The following NDUFAF1 variants were observed in gnomAD, a reference collection of about 807,000 sequenced individuals.
NDUFAF1 encodes NADH:ubiquinone oxidoreductase complex assembly factor 1.
Under a neutral mutation model 28.7 loss-of-function variants are expected in NDUFAF1, and 18 were observed. The ratio of observed to expected loss-of-function variants is 0.63; its 90% CI spans 0.43 to 0.93. NDUFAF1 has a LOEUF of 0.93. Among genes scored for constraint, NDUFAF1 ranks in the 40% least tolerant of loss-of-function variants. The pLI is 0.00. For synonymous variants in NDUFAF1, 113 were observed against 139.7 expected, an observed-to-expected ratio of 0.81 and a Z score of 1.35; for missense variants, 404 against 398.3, an observed-to-expected ratio of 1.01 and a Z score of -0.12.
In NDUFAF1 at chr15:41,396,812, T is replaced by C. The variant is rs2050394891; in HGVS notation, c.248A>G (p.Asp83Gly). 6.2e-7 allele frequency: 1 copy of C among 1,614,056 alleles called. No individual in the cohort carries two copies. Among genetic ancestry groups the C allele is most frequent in the Non-Finnish European group, 8.5e-7 (1 of 1,180,038 alleles). The change falls in exon 2 of 5, where the codon GAT becomes GGT. Residue 83 changes from aspartate (D) to glycine (G), a missense_variant. Physicochemically the swap from Asp to Gly is moderately conservative, Grantham distance 94. Coordinates refer to ENST00000260361, the MANE Select transcript of NDUFAF1 (RefSeq NM_016013.4). ...TATTGCTTCATCTCTAATTGCTTTA[T>C]CGAAACTAACATCAGGCTTCTCCTC... ...SSEEKPDVSF[D>G]KAIRDEAIYH... is the part of the protein sequence containing the mutation.
chr15:41,398,433 G>A (rs2050419879), intron 1 of NDUFAF1, among the ~76,000 whole-genome samples: 3 of 146,480 alleles, frequency 2.0e-5, no homozygotes, highest in Admixed American at 6.8e-5. Context: ...GCAGTGAGCC[G>A]AGATCACGCC....
intron 1 of NDUFAF1, among the ~76,000 whole-genome samples, chr15:41,398,497 G>A (rs931385024): frequency 2.8e-5 from 4 of 145,418 alleles, no homozygotes; most frequent in African/African-American, 1.0e-4. Flanking sequence ...AAAAAAAAAA[G>A]AGACAGGGTC....
chr15:41,389,196 C>T (rs1194321222), intron 3 of NDUFAF1, among the ~76,000 whole-genome samples: 4 of 151,942 alleles, frequency 2.6e-5, no homozygotes, highest in Admixed American at 6.6e-5. Context: ...GATTCTCCCA[C>T]CTCAGCTTCC....
intron 3 of NDUFAF1, 30 bp downstream of exon 3, chr15:41,394,829 T>G: frequency 6.2e-7 from 1 of 1,612,798 alleles, no homozygotes; most frequent in African/African-American, 1.3e-5. Flanking sequence ...AGACCTCATT[T>G]TTATAAACAA....
At chr15:41,393,588 C>A (rs1364657091) in intron 3 of NDUFAF1, among the ~76,000 whole-genome samples, 6 of 139,382 alleles carry the variant, frequency 4.3e-5, no homozygotes, top group African/African-American at 1.8e-4. Context: ...CCGCGGCCGG[C>A]CTTTTTTTTT....
intron 3 of NDUFAF1, among the ~76,000 whole-genome samples, chr15:41,392,763 C>T: frequency 6.6e-6 from 1 of 152,140 alleles, no homozygotes; most frequent in East Asian, 1.9e-4. Flanking sequence ...TTCATAGCAG[C>T]AGCACGAGAA....
Position 41,402,483 on chromosome 15 carries a change from C to T in NDUFAF1, c.-421G>A, listed in dbSNP as rs747710046. The T allele has an allele frequency of 1.2e-4, 44 of 376,876 alleles. No homozygotes were observed. The highest frequency in any genetic ancestry group is 1.9e-3 in the Middle Eastern group (2 of 1,078). The allele number at this position is 376,876 out of a possible 1,614,324, so 23.3% of individuals were successfully genotyped here. On this transcript the variant is annotated 5_prime_UTR_variant, in exon 1 of 5. Transcript: ENST00000260361. ...TATAGTGTACCTTCCGCCCAGAAGC[C>T]ACTTTACCCGTATAGGTCCATCTGC...
At chr15:41,388,395 CCGATT>C (rs1566820406) in intron 4 of NDUFAF1, 48 bp downstream of exon 4, 7 of 1,373,374 alleles carry the variant, frequency 5.1e-6, no homozygotes, top group Non-Finnish European at 7.3e-6. Context: ...CCCCAGAGTT[CCGATT>C]CATTAAAAAT....
Position 41,402,024 on chromosome 15 carries a change from G to A in NDUFAF1, c.-82+120C>T, listed in dbSNP as rs2050469777. On this transcript the variant is annotated intron_variant, in intron 1 of 4. Coordinates refer to ENST00000260361, the MANE Select transcript of NDUFAF1 (RefSeq NM_016013.4). ...TTGTTTCATTTTTTTTTTTCTACCAGTAAACAGAAAATCTAAACTATTAAC... is the reference window on the plus strand; with the variant it reads ...TTGTTTCATTTTTTTTTTTCTACCAATAAACAGAAAATCTAAACTATTAAC... 1.3e-5 allele frequency: 3 copies of A among 239,346 alleles called. No individual in the cohort carries two copies. In the East Asian group the frequency reaches 2.7e-4, roughly 22 times the overall value. The allele number at this position is 239,346 out of a possible 1,614,324, so 14.8% of individuals were successfully genotyped here. A position where few individuals can be genotyped will look rare whatever the true frequency, so the allele number is the denominator to read the frequency against.
At chr15:41,393,517 C>T (rs2050340906) in intron 3 of NDUFAF1, among the ~76,000 whole-genome samples, 1 of 151,686 alleles carries the variant, frequency 6.6e-6, no homozygotes, top group African/African-American at 2.4e-5. Context: ...TCCATCATCT[C>T]CTGACCTCGT....
chr15:41,393,112 T>C (rs1455059818), intron 3 of NDUFAF1, among the ~76,000 whole-genome samples: 3 of 150,814 alleles, frequency 2.0e-5, no homozygotes, highest in African/African-American at 7.3e-5. Flanking sequence ...ATGGGGACTT[T>C]CTTGTTGAGT....
At chr15:41,399,717 G>A (rs1463981710) in intron 1 of NDUFAF1, among the ~76,000 whole-genome samples, 8 of 149,038 alleles carry the variant, frequency 5.4e-5, no homozygotes, top group African/African-American at 1.5e-4. Flanking sequence ...TTAGCCGGGC[G>A]TAGTGGCGGG....
intron 1 of NDUFAF1, 37 bp downstream of exon 1, chr15:41,402,107 G>A (rs1595413490): frequency 4.7e-6 from 2 of 429,244 alleles, no homozygotes. Flanking sequence ...CACGCAGCTA[G>A]AAGTGAGTAG....
intron 1 of NDUFAF1, among the ~76,000 whole-genome samples, chr15:41,401,872 G>A (rs1014863635): frequency 2.0e-5 from 3 of 152,240 alleles, no homozygotes; most frequent in East Asian, 3.9e-4. Context: ...CCCCCGCGCC[G>A]GTTGCACTTA....
intron 3 of NDUFAF1, chr15:41,394,422 A>T: frequency 7.9e-7 from 1 of 1,271,466 alleles, no homozygotes; most frequent in Non-Finnish European, 1.0e-6. Context: ...TTGGACACAG[A>T]GCAGAGATGT....
At chr15:41,388,058 C>G (rs956571199) in intron 4 of NDUFAF1, among the ~76,000 whole-genome samples, 4 of 152,002 alleles carry the variant, frequency 2.6e-5, no homozygotes, top group African/African-American at 9.7e-5. Flanking sequence ...TGCAGTGAGC[C>G]GAGATCATGC....
chr15:41,388,466 A>T lies in NDUFAF1; in HGVS notation c.816T>A (p.His272Gln). The change falls in exon 4 of 5, where the codon CAT becomes CAA. Residue 272 changes from histidine to glutamine, a missense_variant. By Grantham distance (24) the His-to-Gln change is conservative. Coordinates refer to ENST00000260361, the MANE Select transcript of NDUFAF1 (RefSeq NM_016013.4). The stretch of plus-strand genomic sequence containing the variant: ...ATGTTACCTTATCAAGCGGAAGCTC[A>T]TGCTGAACATCCCGGATTCTTCCTC... ...SNRGRIRDVQ[H>Q]ELPLDKISSI... The T allele has an allele frequency of 2.5e-6, 4 of 1,612,744 alleles. No individual in the cohort carries two copies. Among genetic ancestry groups the T allele is most frequent in the Non-Finnish European group, 3.4e-6 (4 of 1,178,730 alleles).
rs779787386 is a variant in NDUFAF1 at position 41,402,302 on chromosome 15, G to C, written c.-240C>G. On this transcript the variant is annotated 5_prime_UTR_variant, in exon 1 of 5. Transcript: ENST00000260361. ...GTGAGTGGCAAAATTCTTCCGCCTT[G>C]GCGTATACCTCCCGCACTCACGGCC... 2.2e-6 allele frequency: 1 copy of C among 454,074 alleles called. No individual in the cohort carries two copies. The allele number at this position is 454,074 out of a possible 1,614,324, so 28.1% of individuals were successfully genotyped here.
chr15:41,389,617 A>G (rs2050293829), intron 3 of NDUFAF1, among the ~76,000 whole-genome samples: 1 of 152,002 alleles, frequency 6.6e-6, no homozygotes, highest in Admixed American at 6.6e-5. Flanking sequence ...GTAAAAAAAC[A>G]AAAAACTTAT....
Sources: gnomAD v4.1 joint callset for allele counts (sites outside exome capture counted in the v4.1 genomes callset) on GRCh38, gnomAD v4.1.1 for gene constraint, MANE v1.5 for transcripts, NCBI Gene and HGNC (gene_info 2026-07-23, HGNC 2026-07-21) for gene names.